PPM1L: variants seen among roughly 807,000 people sequenced by gnomAD.
The protein encoded by PPM1L is protein phosphatase, Mg2+/Mn2+ dependent 1L, also known as protein phosphatase 1L.
Under a neutral mutation model 31.4 loss-of-function variants are expected in PPM1L, and 13 were observed. The observed-to-expected ratio is 0.41, with a 90% CI of 0.27 to 0.66. PPM1L has a LOEUF of 0.66. Among genes scored for constraint, PPM1L ranks in the 30% least tolerant of loss-of-function variants. PPM1L has a pLI of 0.29. For missense variants in PPM1L, 326 were observed against 453.7 expected, an observed-to-expected ratio of 0.72 and a Z score of 2.56; for synonymous variants, 184 against 175.4, an observed-to-expected ratio of 1.05 and a Z score of -0.39.
intron 2 of PPM1L, among the ~76,000 whole-genome samples, chr3:161,045,440 T>A (rs1168753812): frequency 6.6e-6 from 1 of 152,188 alleles, no homozygotes; most frequent in Non-Finnish European, 1.5e-5. Flanking sequence ...CACAGTGCAA[T>A]CAAACTACAA....
rs556259507 is a variant in PPM1L, at chr3:160,968,825, G to A, written c.574+6915G>A. 4.4e-4 allele frequency among the ~76,000 whole-genome samples: 67 copies of A among 152,322 alleles called. 1 individual carries two copies. The South Asian group carries it at 8.3e-3, about 19-fold the overall frequency. On this transcript the variant is annotated intron_variant, in intron 2 of 3. Transcript: ENST00000498165. ...CCTGCAATGGGTAGAATGCTCAATG[G>A]TAGCATCTTGTTGCAGGCCTCAAGA...
rs376685544 is a variant in PPM1L at position 160,756,604 on chromosome 3, A to G, written c.296A>G (p.Gln99Arg). The stretch of plus-strand genomic sequence containing the variant: ...CACAACGTGGCGGTGTACTCCATCC[A>G]GGGCCGGAGAGACCACATGGAGGAC... ...KNHNVAVYSI[Q>R]GRRDHMEDRF... The change falls in exon 1 of 4, where the codon CAG becomes CGG. Residue 99 changes from glutamine to arginine, a missense_variant. By Grantham distance (43) the Gln-to-Arg change is conservative. This residue lies in a region of PPM1L where 83 missense variants were observed against 79.4 expected (regional missense o/e 1.04). Coordinates refer to ENST00000498165, the MANE Select transcript of PPM1L (RefSeq NM_139245.4). The surrounding 1 kb of genome is among the most constrained non-coding windows in gnomAD (Gnocchi z 6.2). The G allele has an allele frequency of 1.5e-5, 25 of 1,614,032 alleles. No individual in the cohort carries two copies. The highest frequency in any genetic ancestry group is 2.0e-5 in the Non-Finnish European group (24 of 1,180,034).
intron 1 of PPM1L, among the ~76,000 whole-genome samples, chr3:160,867,872 C>A (rs372520497): frequency 6.6e-6 from 1 of 152,056 alleles, no homozygotes; most frequent in African/African-American, 2.4e-5. Context: ...CTGTCTATGA[C>A]ACTTTAATAT....
intron 1 of PPM1L, among the ~76,000 whole-genome samples, chr3:160,850,521 T>C (rs947065700): frequency 6.6e-6 from 1 of 152,154 alleles, no homozygotes; most frequent in African/African-American, 2.4e-5. Context: ...CCCTGGACTT[T>C]GGGGGTTGAG....
Position 160,756,651 on chromosome 3 carries a change from C to T in PPM1L, c.343C>T (p.Leu115=), listed in dbSNP as rs1456895668. The change falls in exon 1 of 4, where the codon CTG becomes TTG. Residue 115 remains leucine, a synonymous_variant. Transcript: ENST00000498165. The surrounding 1 kb of genome is among the most constrained non-coding windows in gnomAD (Gnocchi z 6.2). ...GGACCGCTTCGAAGTTCTCACGGAT[C>T]TGGCCAACAAGACGCACCCGTCCAT... is the stretch of plus-strand genomic sequence containing the variant. ...MEDRFEVLTD[L]ANKTHPSIFG... is the part of the protein sequence containing the mutation. 2 of 1,614,014 alleles carry T rather than the reference C, an allele frequency of 1.2e-6. No homozygotes were observed. Among genetic ancestry groups the T allele is most frequent in the Admixed American group, 1.7e-5 (1 of 60,008 alleles).
At chr3:160,856,889 A>G (rs948328936) in intron 1 of PPM1L, among the ~76,000 whole-genome samples, 1 of 150,970 alleles carries the variant, frequency 6.6e-6, no homozygotes, top group African/African-American at 2.4e-5. Context: ...TATTTATTTC[A>G]CCTTAGATGG....
intron 2 of PPM1L, among the ~76,000 whole-genome samples, chr3:160,989,061 A>G (rs1192912657): frequency 1.3e-5 from 2 of 152,226 alleles, no homozygotes; most frequent in African/African-American, 4.8e-5. Flanking sequence ...GAAAGGGAAG[A>G]AAGGAGGAAA....
At chr3:160,817,721 A>G (rs1426289395) in intron 1 of PPM1L, among the ~76,000 whole-genome samples, 1 of 152,054 alleles carries the variant, frequency 6.6e-6, no homozygotes, top group Non-Finnish European at 1.5e-5. Flanking sequence ...CTGAAGATCT[A>G]TGCTTTAGTT....
chr3:160,810,768 T>C (rs1015229582), intron 1 of PPM1L, among the ~76,000 whole-genome samples: 2 of 152,218 alleles, frequency 1.3e-5, no homozygotes, highest in African/African-American at 4.8e-5. Context: ...TTGCCTTGCA[T>C]AGCAAAATCT....
intron 1 of PPM1L, among the ~76,000 whole-genome samples, chr3:160,943,285 C>A (rs1438704268): frequency 2.6e-5 from 4 of 152,148 alleles, no homozygotes; most frequent in Non-Finnish European, 5.9e-5. Context: ...GGATTTTCTT[C>A]TGTGCATTCT....
At chr3:160,955,017 C>G (rs1715724360) in intron 1 of PPM1L, among the ~76,000 whole-genome samples, 1 of 142,048 alleles carries the variant, frequency 7.0e-6, no homozygotes, top group East Asian at 2.1e-4. Flanking sequence ...TTCTTTCTCT[C>G]TTTCTTCTTT....
chr3:160,903,653 A>G (rs978007236), intron 1 of PPM1L, among the ~76,000 whole-genome samples: 4 of 152,046 alleles, frequency 2.6e-5, no homozygotes, highest in African/African-American at 7.2e-5. Flanking sequence ...AATTATTATT[A>G]TTTTATTCCA....
At chr3:161,044,278 G>A (rs933983496) in intron 2 of PPM1L, among the ~76,000 whole-genome samples, 10 of 152,090 alleles carry the variant, frequency 6.6e-5, no homozygotes, top group African/African-American at 2.4e-4. Flanking sequence ...GACCTCAAAT[G>A]ATCCACCCAC....
chr3:160,835,212 G>T (rs1285567478), intron 1 of PPM1L, among the ~76,000 whole-genome samples: 1 of 118,592 alleles, frequency 8.4e-6, no homozygotes, highest in African/African-American at 3.3e-5. Flanking sequence ...CCAAATCCAT[G>T]ATGTGAAGCT....
intron 1 of PPM1L, among the ~76,000 whole-genome samples, chr3:160,946,646 GT>G (rs1559898404): frequency 6.6e-6 from 1 of 152,008 alleles, no homozygotes; most frequent in Non-Finnish European, 1.5e-5. Context: ...GCAACTTTCT[GT>G]GTGGAATAGG....
chr3:160,904,290 T>G (rs778866317), intron 1 of PPM1L, among the ~76,000 whole-genome samples: 2 of 152,354 alleles, frequency 1.3e-5, no homozygotes, highest in Admixed American at 6.5e-5. Flanking sequence ...ATTATGGGTC[T>G]GTTAAGTACT....
At chr3:160,870,800 A>G (rs1001439650) in intron 1 of PPM1L, among the ~76,000 whole-genome samples, 3 of 152,218 alleles carry the variant, frequency 2.0e-5, no homozygotes, top group East Asian at 1.9e-4. Context: ...AATGATTTCA[A>G]TTGTCCTCTG....
At chr3:160,793,535 G>A (rs1287901375) in intron 1 of PPM1L, among the ~76,000 whole-genome samples, 1 of 152,072 alleles carries the variant, frequency 6.6e-6, no homozygotes, top group African/African-American at 2.4e-5. Context: ...ATGTGTTTTG[G>A]GATAAGAAAT....
intron 1 of PPM1L, among the ~76,000 whole-genome samples, chr3:160,909,928 T>C (rs1395398878): frequency 6.6e-6 from 1 of 152,150 alleles, no homozygotes; most frequent in African/African-American, 2.4e-5. Context: ...CTGAAAAATG[T>C]GAAGGTGATG....
Sources: gnomAD v4.1 joint callset for allele counts (sites outside exome capture counted in the v4.1 genomes callset) on GRCh38, gnomAD v4.1.1 for gene constraint, gnomAD v4.1.1 regional missense constraint, Gnocchi (gnomAD v3.1) non-coding constraint, MANE v1.5 for transcripts, NCBI Gene and HGNC (gene_info 2026-07-23, HGNC 2026-07-21) for gene names.